Variants in CHEK1 observed in about 807,000 individuals in gnomAD.
CHEK1 encodes checkpoint kinase 1, also known as serine/threonine-protein kinase Chk1.
CHEK1 carries 32 observed loss-of-function variants against 60.2 expected under a neutral mutation model. The ratio of observed to expected loss-of-function variants is 0.53; its 90% CI spans 0.40 to 0.71. The LOEUF (loss-of-function observed/expected upper bound fraction) is 0.71. CHEK1 is among the 30% of genes least tolerant of loss of function. The pLI is 0.00. For missense variants in CHEK1, 399 were observed against 564.6 expected, an observed-to-expected ratio of 0.71 and a Z score of 2.97; for synonymous variants, 179 against 187.2, an observed-to-expected ratio of 0.96 and a Z score of 0.36.
intron 13 of CHEK1, among the ~76,000 whole-genome samples, chr11:125,671,205 A>G (rs1405026475): frequency 1.3e-5 from 2 of 152,134 alleles, no homozygotes; most frequent in Admixed American, 1.3e-4. Flanking sequence ...TTAAATTTTA[A>G]CAACATATTT....
chr11:125,655,002 C>T (rs1196709162), intron 12 of CHEK1, among the ~76,000 whole-genome samples: 2 of 152,108 alleles, frequency 1.3e-5, no homozygotes, highest in Non-Finnish European at 2.9e-5. Flanking sequence ...GAGCTCAGTG[C>T]AGTAGGAACA....
At chr11:125,681,062 T>TAA, downstream of CHEK1, 9 of 142,990 alleles carry the variant, frequency 6.3e-5, no homozygotes, top group East Asian at 1.0e-4. This position sits in a 1 kb window ranked among gnomAD's most constrained non-coding sequence, Gnocchi z 4.2. Context: ...TGCCCTATCT[T>TAA]TAAAAAAAAA....
Position 125,672,809 on chromosome 11 carries a change from G to T in CHEK1, c.*28-3119G>T, listed in dbSNP as rs958667156. 4 of 1,470,248 alleles carry T rather than the reference G, an allele frequency of 2.7e-6. No individual in the cohort carries two copies. In the African/African-American group the frequency reaches 5.6e-5, roughly 21 times the overall value. The allele number at this position is 1,470,248 out of a possible 1,614,324, so 91.1% of individuals were successfully genotyped here. ...ATGCTCAGTGTCTCCATGCAGGATG[G>T]TCAAGACCTCCACTTGTCCATTATC... On this transcript the variant is annotated intron_variant, in intron 13 of 13. Transcript: ENST00000428830.
chr11:125,677,834 T>C (rs780614266), downstream of CHEK1: 7 of 1,614,016 alleles, frequency 4.3e-6, no homozygotes, highest in African/African-American at 9.3e-5. Flanking sequence ...CTGAAGCCTG[T>C]TCCCCTGAAG....
At chr11:125,642,430 T>G (rs935074977) in intron 8 of CHEK1, among the ~76,000 whole-genome samples, 1 of 152,220 alleles carries the variant, frequency 6.6e-6, no homozygotes, top group African/African-American at 2.4e-5. Flanking sequence ...TCAAGAGTTT[T>G]TTTTCTATTT....
chr11:125,644,492 G>T lies in CHEK1; in HGVS notation c.1102-20G>T. On this transcript the variant is annotated intron_variant, in intron 10 of 12. Coordinates refer to ENST00000438015, the MANE Select transcript of CHEK1 (RefSeq NM_001114122.3). ...TTAGTCCTAATGGATTTATTCATTT[G>T]TCTTCTGTTTGACATGTAGAACCCC... is the stretch of plus-strand genomic sequence containing the variant. 1.2e-6 allele frequency: 2 copies of T among 1,610,368 alleles called. No homozygotes were observed. The highest frequency in any genetic ancestry group is 1.7e-5 in the Admixed American group (1 of 59,118).
chr11:125,664,566 G>A (rs571291862), intron 13 of CHEK1, among the ~76,000 whole-genome samples: 65 of 152,084 alleles, frequency 4.3e-4, no homozygotes, highest in Middle Eastern at 3.4e-3. Flanking sequence ...TTGGCCATTT[G>A]TATGTCTTTT....
intron 11 of CHEK1, among the ~76,000 whole-genome samples, chr11:125,645,828 T>C (rs1941480506): frequency 2.6e-5 from 4 of 152,232 alleles, no homozygotes; most frequent in Non-Finnish European, 5.9e-5. Flanking sequence ...TTATTTATTA[T>C]ACTCTTTTTT....
chr11:125,628,573 G>A (rs1445041491), intron 3 of CHEK1, among the ~76,000 whole-genome samples: 2 of 152,088 alleles, frequency 1.3e-5, no homozygotes, highest in African/African-American at 2.4e-5. Flanking sequence ...TAATAAAACT[G>A]TTTCACGAAG....
intron 7 of CHEK1, 134 bp downstream of exon 7, chr11:125,635,667 C>T (rs1941045266): frequency 1.8e-6 from 1 of 540,944 alleles, no homozygotes; most frequent in Non-Finnish European, 3.2e-6. Context: ...AAAATAGTAA[C>T]TATAAGTAAA....
intron 5 of CHEK1, among the ~76,000 whole-genome samples, chr11:125,632,885 C>G (rs75145290): frequency 0.076 from 11,586 of 152,202 alleles, 516 homozygotes; most frequent in African/African-American, 0.12. Flanking sequence ...CCCCTTCTGA[C>G]TCCAGCCTCT....
At chr11:125,678,028 G>A, downstream of CHEK1, 2 of 1,614,174 alleles carry the variant, frequency 1.2e-6, no homozygotes, top group Non-Finnish European at 1.7e-6. Flanking sequence ...CCTACAGTAT[G>A]CTCACCTTCA....
chr11:125,671,965 T>G (rs1452933697), intron 13 of CHEK1: 1 of 152,272 alleles, frequency 6.6e-6, no homozygotes, highest in East Asian at 1.9e-4. Flanking sequence ...TTAAGCATTA[T>G]GAACTGCTGC....
downstream of CHEK1, chr11:125,676,563 ATAGG>A (rs943012771): frequency 2.0e-6 from 3 of 1,504,978 alleles, no homozygotes; most frequent in Non-Finnish European, 2.8e-6. Flanking sequence ...GTAATGGGCA[ATAGG>A]TAGCATGGAT....
chr11:125,679,966 A>C (rs1041742665), downstream of CHEK1, among the ~76,000 whole-genome samples: 1 of 152,240 alleles, frequency 6.6e-6, no homozygotes, highest in African/African-American at 2.4e-5. Flanking sequence ...CTGATATAGA[A>C]AGGAGACATA....
intron 5 of CHEK1, 120 bp downstream of exon 5, chr11:125,629,580 G>A (rs1020411614): frequency 2.8e-5 from 19 of 690,404 alleles, no homozygotes; most frequent in Non-Finnish European, 3.9e-5. Flanking sequence ...TGCATTACTG[G>A]AATTTCAAGA....
Position 125,632,034 on chromosome 11 carries a change from T to G in CHEK1, c.425-1129T>G, listed in dbSNP as rs12576279. On this transcript the variant is annotated intron_variant, in intron 5 of 12. Coordinates refer to ENST00000438015, the MANE Select transcript of CHEK1 (RefSeq NM_001114122.3). ...GTTTCTAACTTATAAAATAGGACAG[T>G]GATGGCTTCTATCAATTTGTGTAAA... Among the ~76,000 whole-genome samples, 729 of 152,296 alleles carry G rather than the reference T, an allele frequency of 4.8e-3. 36 individuals are homozygous for G. The East Asian group carries it at 0.12, about 24-fold the overall frequency.
chr11:125,625,783 C>A lies in CHEK1; in HGVS notation c.-250C>A, dbSNP rs1301500286. ...CCGATGCGGTCCGCCGTCCTTAAAT[C>A]TCTTCAGCCAGGATCTCTCCCCGAC... On this transcript the variant is annotated 5_prime_UTR_variant, in exon 1 of 13. Transcript: ENST00000438015. The A allele has an allele frequency of 2.9e-6, 2 of 695,158 alleles. No individual in the cohort carries two copies. Among genetic ancestry groups the A allele is most frequent in the Non-Finnish European group, 5.3e-6 (2 of 378,896 alleles). The allele number at this position is 695,158 out of a possible 1,614,324, so 43.1% of individuals were successfully genotyped here.
chr11:125,640,123 A>G (rs1202753237), intron 8 of CHEK1, among the ~76,000 whole-genome samples: 8 of 152,178 alleles, frequency 5.3e-5, no homozygotes, highest in Admixed American at 2.0e-4. Flanking sequence ...AATTTCATCT[A>G]TTTTGTTGCC....
Sources: allele counts gnomAD v4.1 joint callset (sites outside exome capture counted in the v4.1 genomes callset), GRCh38; gene constraint gnomAD v4.1.1; non-coding constraint Gnocchi (gnomAD v3.1); transcripts MANE v1.5; gene names NCBI Gene and HGNC (gene_info 2026-07-23, HGNC 2026-07-21).